The following PACRG variants were observed in gnomAD, a reference collection of about 807,000 sequenced individuals.
PACRG encodes the protein parkin coregulated gene protein.
In PACRG, 29 loss-of-function variants were observed where a neutral mutation model predicts 29.7. The observed-to-expected ratio is 0.98, with a 90% confidence interval of 0.73 to 1.33. PACRG has a LOEUF of 1.33. Ranked by LOEUF, PACRG falls within the 40% of genes most tolerant of loss-of-function variation. PACRG has a pLI of 0.00. For missense variants in PACRG, 279 were observed against 316.2 expected (o/e 0.88, Z 0.89); for synonymous variants, 116 against 118.7 (o/e 0.98, Z 0.15).
At chr6:162,985,084 GT>G (rs916710843) in intron 2 of PACRG, among the ~76,000 whole-genome samples, 38 of 152,090 alleles carry the variant, frequency 2.5e-4, no homozygotes, top group Admixed American at 1.4e-3. Context: ...ACCAAAAAAA[GT>G]TCACAAACAG....
intron 4 of PACRG, among the ~76,000 whole-genome samples, chr6:163,094,376 G>A (rs1276042392): frequency 6.6e-6 from 1 of 152,162 alleles, no homozygotes; most frequent in Non-Finnish European, 1.5e-5. Flanking sequence ...TAAATTCCTT[G>A]AGGAAATTAT....
intron 4 of PACRG, among the ~76,000 whole-genome samples, chr6:163,132,107 T>C (rs1816764041): frequency 6.6e-6 from 1 of 152,200 alleles, no homozygotes; most frequent in Non-Finnish European, 1.5e-5. Flanking sequence ...ATATATTAAT[T>C]TTAATATGCT....
chr6:162,913,999 T>C (rs1796504772), intron 2 of PACRG, among the ~76,000 whole-genome samples: 1 of 152,092 alleles, frequency 6.6e-6, no homozygotes, highest in East Asian at 1.9e-4. Context: ...TTTCAAATAA[T>C]TTTTCTCAGT....
chr6:162,947,261 AATC>A, intron 2 of PACRG, among the ~76,000 whole-genome samples: 1 of 142,458 alleles, frequency 7.0e-6, no homozygotes, highest in African/African-American at 2.6e-5. Context: ...TATCATATAT[AATC>A]TATATATAAC....
intron 4 of PACRG, among the ~76,000 whole-genome samples, chr6:163,225,597 C>A (rs774320927): frequency 6.6e-6 from 1 of 152,146 alleles, no homozygotes; most frequent in Non-Finnish European, 1.5e-5. Flanking sequence ...AGGACCCTTA[C>A]GCACTGTTAG....
At chr6:162,968,908 G>A (rs888007678) in intron 2 of PACRG, among the ~76,000 whole-genome samples, 1 of 151,862 alleles carries the variant, frequency 6.6e-6, no homozygotes, top group Non-Finnish European at 1.5e-5. Context: ...TTAGCTGGGC[G>A]TGGTGGCGGG....
At chr6:163,292,699 C>T (rs1163518016) in intron 4 of PACRG, among the ~76,000 whole-genome samples, 2 of 152,140 alleles carry the variant, frequency 1.3e-5, no homozygotes, top group Non-Finnish European at 2.9e-5. Flanking sequence ...GCTGGGATTA[C>T]AGGTGTGAGC....
upstream of PACRG, chr6:162,727,405 G>A (rs1024891022): frequency 4.3e-6 from 2 of 464,334 alleles, no homozygotes; most frequent in African/African-American, 2.1e-5. Context: ...GCCGCCTGGC[G>A]TCCCCGTCGA....
chr6:163,115,961 A>T (rs573858785), intron 4 of PACRG, among the ~76,000 whole-genome samples: 1 of 152,328 alleles, frequency 6.6e-6, no homozygotes, highest in Admixed American at 6.5e-5. Context: ...ATTCATGCCT[A>T]TGGGCATTTG....
chr6:163,187,417 T>A (rs1779995678), intron 4 of PACRG, among the ~76,000 whole-genome samples: 1 of 152,020 alleles, frequency 6.6e-6, no homozygotes, highest in South Asian at 2.1e-4. Flanking sequence ...ACTGGCCCCA[T>A]CTCTTTGCAG....
chr6:163,034,491 C>T (rs868625532), intron 2 of PACRG, among the ~76,000 whole-genome samples: 1 of 152,092 alleles, frequency 6.6e-6, no homozygotes, highest in Non-Finnish European at 1.5e-5. Flanking sequence ...CAAGGTTGGT[C>T]AAGCATCCGT....
chr6:162,877,362 AC>A (rs1562690063), intron 2 of PACRG, among the ~76,000 whole-genome samples: 1 of 152,142 alleles, frequency 6.6e-6, no homozygotes, highest in African/African-American at 2.4e-5. Context: ...ACATGTTCTC[AC>A]TCAGAAGTGG....
At chr6:162,971,362 A>G (rs1213468611) in intron 2 of PACRG, among the ~76,000 whole-genome samples, 3 of 152,170 alleles carry the variant, frequency 2.0e-5, no homozygotes, top group Non-Finnish European at 2.9e-5. Flanking sequence ...GTTTTTATAG[A>G]TATAGAGCCA....
intron 2 of PACRG, among the ~76,000 whole-genome samples, chr6:162,850,213 A>C (rs558737899): frequency 2.2e-4 from 33 of 152,316 alleles, no homozygotes; most frequent in African/African-American, 7.2e-4. Flanking sequence ...TAAACAACTT[A>C]TTTGTGTTCA....
chr6:163,162,178 G>A (rs887104415), intron 4 of PACRG, among the ~76,000 whole-genome samples: 2 of 152,182 alleles, frequency 1.3e-5, no homozygotes, highest in Non-Finnish European at 2.9e-5. Context: ...AGCCTGGAGA[G>A]CCAGGACAGC....
intron 4 of PACRG, among the ~76,000 whole-genome samples, chr6:163,269,867 G>GAGAAAGAAAGAAAGAAAGAAAGAA (rs767222690): frequency 3.5e-5 from 2 of 56,740 alleles, no homozygotes; most frequent in Admixed American, 1.9e-4. Flanking sequence ...GAGAAAGAAA[G>GAGAAAGAAAGAAAGAAAGAAAGAA]AGAAAGAAAG....
intron 1 of PACRG, among the ~76,000 whole-genome samples, chr6:162,776,177 CG>C (rs1253602764): frequency 2.0e-5 from 3 of 152,184 alleles, no homozygotes; most frequent in African/African-American, 4.8e-5. Context: ...GTCTTTACTT[CG>C]TGACAGCAAT....
intron 2 of PACRG, among the ~76,000 whole-genome samples, chr6:162,869,310 C>G (rs1792595089): frequency 6.6e-6 from 1 of 152,028 alleles, no homozygotes; most frequent in Non-Finnish European, 1.5e-5. Flanking sequence ...CAGTAGAATA[C>G]CTTGTCTGCA....
chr6:163,240,569 C>T (rs1459343649), intron 4 of PACRG, among the ~76,000 whole-genome samples: 2 of 152,134 alleles, frequency 1.3e-5, no homozygotes, highest in East Asian at 1.9e-4. Flanking sequence ...TCCTCAACCA[C>T]CTGGCTGGGA....
Sources: gnomAD v4.1 joint callset for allele counts (sites outside exome capture counted in the v4.1 genomes callset) on GRCh38, gnomAD v4.1.1 for gene constraint, MANE v1.5 for transcripts, NCBI Gene and HGNC (gene_info 2026-07-23, HGNC 2026-07-21) for gene names.